The following SLC36A1 variants were observed in gnomAD, a reference collection of about 807,000 sequenced individuals.
SLC36A1 encodes the protein proton-coupled amino acid transporter 1.
SLC36A1 carries 30 observed loss-of-function variants against 47.5 expected under a neutral mutation model. The ratio of observed to expected loss-of-function variants is 0.63; its 90% CI spans 0.47 to 0.86. SLC36A1 has a LOEUF of 0.86. SLC36A1 is among the 40% of genes least tolerant of loss of function. The pLI is 0.00. For missense variants in SLC36A1, 517 were observed against 606.0 expected (o/e 0.85, Z 1.54); for synonymous variants, 255 against 249.7 (o/e 1.02, Z -0.20).
At chr5:151,554,886 AAGACAG>A in the SLC36A1 span, among the ~76,000 whole-genome samples, 1 of 152,260 alleles carries the variant, frequency 6.6e-6, no homozygotes, top group Admixed American at 6.5e-5. Flanking sequence ...GAACTGGAAG[AAGACAG>A]AGTCAGAGTC....
chr5:151,523,019 G>C, the SLC36A1 span, among the ~76,000 whole-genome samples: 2 of 152,136 alleles, frequency 1.3e-5, no homozygotes, highest in African/African-American at 4.8e-5. Flanking sequence ...ACTTAGAAAG[G>C]ACAGGCTTGC....
the SLC36A1 span, among the ~76,000 whole-genome samples, chr5:151,530,626 T>C: frequency 6.6e-6 from 1 of 152,340 alleles, no homozygotes; most frequent in Admixed American, 6.5e-5. Context: ...CGAAAAGACA[T>C]TTATGAGAAT....
At chr5:151,505,741 C>T in the SLC36A1 span, 1 of 1,613,824 alleles carries the variant, frequency 6.2e-7, no homozygotes, top group Non-Finnish European at 8.5e-7. Flanking sequence ...TAGCCCCCGT[C>T]TGCCAGGCAG....
the SLC36A1 span, among the ~76,000 whole-genome samples, chr5:151,365,745 A>G: frequency 6.6e-6 from 1 of 152,210 alleles, no homozygotes; most frequent in Non-Finnish European, 1.5e-5. Context: ...TAGTTCCCTA[A>G]CTTCTTGGAA....
chr5:151,388,621 G>C, the SLC36A1 span, among the ~76,000 whole-genome samples: 15 of 151,952 alleles, frequency 9.9e-5, no homozygotes, highest in East Asian at 1.7e-3. Context: ...CTTGAGGGTT[G>C]TGTCATGGGC....
intron 7 of SLC36A1, 43 bp from the exon 8 acceptor site, chr5:151,473,630 G>A: frequency 1.6e-6 from 2 of 1,214,902 alleles, no homozygotes; most frequent in Non-Finnish European, 2.4e-6. Flanking sequence ...TTTCTGTATA[G>A]CCTTTTGCTT....
the SLC36A1 span, among the ~76,000 whole-genome samples, chr5:151,353,170 ATGTG>A: frequency 5.4e-4 from 82 of 152,346 alleles, no homozygotes; most frequent in South Asian, 1.9e-3. Flanking sequence ...ATATATATGT[ATGTG>A]TGTGTGCATA....
Position 151,492,174 on chromosome 5 carries a change from G to A in SLC36A1, c.*3920G>A, listed in dbSNP as rs563742388. On this transcript the variant is annotated 3_prime_UTR_variant, in exon 11 of 11. Coordinates refer to ENST00000243389, the MANE Select transcript of SLC36A1 (RefSeq NM_078483.4). Reference sequence around the variant, plus strand: ...CTCTATTGTAAAACATGTCAATGGTGTGTGAAGAAAAATCAACCAATCTGT... The same window carrying A: ...CTCTATTGTAAAACATGTCAATGGTATGTGAAGAAAAATCAACCAATCTGT... The A allele has an allele frequency of 2.0e-5, 3 of 152,278 alleles. No individual in the cohort carries two copies. The highest frequency in any genetic ancestry group is 4.8e-5 in the African/African-American group (2 of 41,560). The allele number at this position is 152,278 out of a possible 1,614,324, so 9.4% of individuals were successfully genotyped here.
At chr5:151,400,091 A>G in the SLC36A1 span, among the ~76,000 whole-genome samples, 6 of 152,268 alleles carry the variant, frequency 3.9e-5, no homozygotes, top group Admixed American at 3.3e-4. Context: ...GGTTTAGGGT[A>G]TGAACGATCC....
intron 2 of SLC36A1, among the ~76,000 whole-genome samples, chr5:151,460,884 T>G (rs1007543692): frequency 2.0e-5 from 3 of 150,778 alleles, no homozygotes; most frequent in East Asian, 1.9e-4. Context: ...ACTGCACATA[T>G]GCATGCACAC....
chr5:151,467,993 T>G, intron 7 of SLC36A1, 68 bp downstream of exon 7: 1 of 1,359,312 alleles, frequency 7.4e-7, no homozygotes, highest in Non-Finnish European at 1.0e-6. Flanking sequence ...TGGTAGCTCA[T>G]GCCTGTAATC....
the SLC36A1 span, chr5:151,382,115 G>A: frequency 3.6e-6 from 3 of 839,776 alleles, no homozygotes; most frequent in Non-Finnish European, 6.1e-6. Context: ...ACATGGTGCT[G>A]ACAGAGCACG....
the SLC36A1 span, chr5:151,507,145 T>C: frequency 6.4e-7 from 1 of 1,563,052 alleles, no homozygotes; most frequent in Non-Finnish European, 8.7e-7. Context: ...CGTCTCTGGC[T>C]ATACTGACCC....
At chr5:151,492,628 A>G (rs1012369277), downstream of SLC36A1, among the ~76,000 whole-genome samples, 1 of 152,214 alleles carries the variant, frequency 6.6e-6, no homozygotes, top group Non-Finnish European at 1.5e-5. Context: ...AAACTTGAGT[A>G]AGAATTTTCA....
chr5:151,461,156 T>A (rs917443287), intron 2 of SLC36A1, among the ~76,000 whole-genome samples: 1 of 52,616 alleles, frequency 1.9e-5, no homozygotes, highest in African/African-American at 3.1e-4. Flanking sequence ...CTTTTTGTAT[T>A]TTTTTTTTTT....
intron 2 of SLC36A1, among the ~76,000 whole-genome samples, chr5:151,460,709 G>A (rs1472690905): frequency 6.6e-6 from 1 of 151,742 alleles, no homozygotes; most frequent in African/African-American, 2.4e-5. Context: ...GTATGATTAA[G>A]GTAGAGGTTG....
chr5:151,451,663 C>T (rs1257630046), intron 1 of SLC36A1, among the ~76,000 whole-genome samples: 1 of 152,156 alleles, frequency 6.6e-6, no homozygotes, highest in African/African-American at 2.4e-5. Context: ...TTCCTCCTAT[C>T]TTCATAACAA....
chr5:151,544,054 G>A, the SLC36A1 span: 2 of 1,614,172 alleles, frequency 1.2e-6, no homozygotes, highest in Admixed American at 1.7e-5. Flanking sequence ...ACCAGTGAGT[G>A]GGGGATCTCC....
At chr5:151,427,060 C>T in the SLC36A1 span, among the ~76,000 whole-genome samples, 1 of 152,156 alleles carries the variant, frequency 6.6e-6, no homozygotes, top group Non-Finnish European at 1.5e-5. Flanking sequence ...TTTCTTAGTA[C>T]ATGAACAAAA....
Sources: gnomAD v4.1 joint callset for allele counts (sites outside exome capture counted in the v4.1 genomes callset) on GRCh38, gnomAD v4.1.1 for gene constraint, MANE v1.5 for transcripts, NCBI Gene and HGNC (gene_info 2026-07-23, HGNC 2026-07-21) for gene names.